Variants in NPAS3 observed in about 807,000 individuals in gnomAD.
NPAS3 encodes the protein neuronal PAS domain-containing protein 3.
NPAS3 carries 14 observed loss-of-function variants against 73.1 expected under a neutral mutation model. That is an observed-to-expected ratio of 0.19 (90% CI 0.13 to 0.30). NPAS3 has a LOEUF of 0.30. Ranked by LOEUF, NPAS3 falls within the 10% of genes least tolerant of loss-of-function variation. NPAS3 has a pLI of 1.00. For synonymous variants in NPAS3, 620 were observed against 541.5 expected, an observed-to-expected ratio of 1.14 and a Z score of -2.01; for missense variants, 1,096 against 1,250.0, an observed-to-expected ratio of 0.88 and a Z score of 1.86.
intron 5 of NPAS3, among the ~76,000 whole-genome samples, chr14:33,649,269 G>C (rs1290836911): frequency 2.0e-5 from 3 of 152,152 alleles, no homozygotes; most frequent in African/African-American, 7.2e-5. Context: ...CTGAAATAAG[G>C]CACTTACAGC....
chr14:32,996,231 G>T (rs776744272), intron 1 of NPAS3, among the ~76,000 whole-genome samples: 3 of 152,176 alleles, frequency 2.0e-5, no homozygotes, highest in Non-Finnish European at 4.4e-5. Flanking sequence ...TAAGCAGAAA[G>T]CATTCAATAG....
intron 5 of NPAS3, among the ~76,000 whole-genome samples, chr14:33,573,731 A>C (rs906484495): frequency 1.2e-4 from 18 of 152,316 alleles, no homozygotes; most frequent in African/African-American, 4.3e-4. Flanking sequence ...GAGCTGTAAA[A>C]TATTTTAAAG....
intron 5 of NPAS3, among the ~76,000 whole-genome samples, chr14:33,575,071 C>G (rs1022030888): frequency 2.0e-5 from 3 of 152,188 alleles, no homozygotes; most frequent in Non-Finnish European, 4.4e-5. Flanking sequence ...AATTCTAACT[C>G]TTTTCTACCA....
At chr14:33,250,498 T>C (rs1033475825) in intron 3 of NPAS3, among the ~76,000 whole-genome samples, 1 of 152,102 alleles carries the variant, frequency 6.6e-6, no homozygotes, top group Non-Finnish European at 1.5e-5. Context: ...ACAAATAACA[T>C]CAGTAAAGCT....
chr14:33,632,221 T>C (rs1486475581), intron 5 of NPAS3, among the ~76,000 whole-genome samples: 1 of 152,202 alleles, frequency 6.6e-6, no homozygotes, highest in Non-Finnish European at 1.5e-5. Flanking sequence ...GTGTCAACTT[T>C]AGCCATACCT....
Position 33,472,034 on chromosome 14 carries a change from G to C in NPAS3, c.469-88087G>C, listed in dbSNP as rs571077301. Among the ~76,000 whole-genome samples the C allele has an allele frequency of 8.5e-5, 13 of 152,294 alleles. No individual in the cohort carries two copies. In the South Asian group the frequency reaches 2.5e-3, roughly 29 times the overall value. On this transcript the variant is annotated intron_variant, in intron 4 of 11. Coordinates refer to ENST00000356141, the Ensembl canonical transcript of NPAS3. ...ATGATCTGTCACTGTCTCCCTCTCT[G>C]CCCTCATGGAGCTTGTATTCTAGCT...
chr14:33,690,884 A>C (rs1045633756), intron 6 of NPAS3, among the ~76,000 whole-genome samples: 6 of 152,082 alleles, frequency 3.9e-5, no homozygotes, highest in African/African-American at 1.2e-4. Flanking sequence ...AAAAAAAAAA[A>C]AAAACGATTC....
intron 6 of NPAS3, among the ~76,000 whole-genome samples, chr14:33,721,660 A>G (rs1285350213): frequency 1.3e-5 from 2 of 152,182 alleles, no homozygotes; most frequent in African/African-American, 2.4e-5. Flanking sequence ...TGTGTAAATC[A>G]TTGACTATTT....
chr14:33,276,983 T>G (rs746342189), intron 3 of NPAS3, among the ~76,000 whole-genome samples: 5 of 152,034 alleles, frequency 3.3e-5, no homozygotes, highest in Non-Finnish European at 7.4e-5. Flanking sequence ...AAGCCATACC[T>G]CCACCAGAGC....
At chr14:33,051,571 C>G (rs1164495831) in intron 1 of NPAS3, among the ~76,000 whole-genome samples, 1 of 152,266 alleles carries the variant, frequency 6.6e-6, no homozygotes, top group Non-Finnish European at 1.5e-5. Flanking sequence ...CTTTCAAATT[C>G]CATAAACACA....
intron 6 of NPAS3, among the ~76,000 whole-genome samples, chr14:33,725,514 G>T (rs2061240466): frequency 6.6e-6 from 1 of 151,864 alleles, no homozygotes; most frequent in South Asian, 2.1e-4. Flanking sequence ...ATTTTCTCTG[G>T]ACATATCTAT....
chr14:33,225,002 G>T (rs1274421283), intron 3 of NPAS3, among the ~76,000 whole-genome samples: 3 of 152,084 alleles, frequency 2.0e-5, no homozygotes, highest in African/African-American at 7.2e-5. Flanking sequence ...TCTGATGATA[G>T]AAACATTAGA....
chr14:33,146,142 C>A (rs1464773215), intron 2 of NPAS3, among the ~76,000 whole-genome samples: 1 of 152,066 alleles, frequency 6.6e-6, no homozygotes, highest in East Asian at 1.9e-4. Flanking sequence ...GGAAATTTCA[C>A]TTTTTACCTG....
chr14:33,179,091 C>G (rs1293087790), intron 2 of NPAS3, among the ~76,000 whole-genome samples: 1 of 150,804 alleles, frequency 6.6e-6, no homozygotes, highest in East Asian at 1.9e-4. Context: ...TTTTTTTTCC[C>G]TTTGCTCTCC....
intron 2 of NPAS3, among the ~76,000 whole-genome samples, chr14:33,203,576 G>A (rs977632591): frequency 6.6e-6 from 1 of 152,060 alleles, no homozygotes; most frequent in Non-Finnish European, 1.5e-5. Flanking sequence ...GCGGTGTTTG[G>A]TTTTTTGTCC....
chr14:33,242,867 T>G (rs757011437), intron 3 of NPAS3, among the ~76,000 whole-genome samples: 1 of 152,120 alleles, frequency 6.6e-6, no homozygotes, highest in Non-Finnish European at 1.5e-5. Context: ...GCTATAGCAT[T>G]AGATGATGTG....
At chr14:33,117,244 A>G (rs1275211964) in intron 2 of NPAS3, among the ~76,000 whole-genome samples, 1 of 151,900 alleles carries the variant, frequency 6.6e-6, no homozygotes, top group Non-Finnish European at 1.5e-5. Context: ...TTTTTGTATA[A>G]TAATCTGGGG....
At chr14:33,556,724 TGTCTG>T (rs2055373022) in intron 4 of NPAS3, among the ~76,000 whole-genome samples, 1 of 152,230 alleles carries the variant, frequency 6.6e-6, no homozygotes, top group African/African-American at 2.4e-5. Flanking sequence ...CATCTGATCT[TGTCTG>T]GCCACTTAGC....
chr14:33,631,452 T>C (rs914859775), intron 5 of NPAS3, among the ~76,000 whole-genome samples: 5 of 152,206 alleles, frequency 3.3e-5, no homozygotes, highest in Admixed American at 2.0e-4. Flanking sequence ...CCCATAGGTC[T>C]CCATTTTGCC....
Sources: gnomAD v4.1 joint callset for allele counts (sites outside exome capture counted in the v4.1 genomes callset) on GRCh38, gnomAD v4.1.1 for gene constraint, MANE v1.5 for transcripts, NCBI Gene and HGNC (gene_info 2026-07-23, HGNC 2026-07-21) for gene names.